The following CD24 variants were observed in gnomAD, a reference collection of about 807,000 sequenced individuals.
The protein encoded by CD24 is signal transducer CD24.
Under a neutral mutation model 3.6 loss-of-function variants are expected in CD24, and 2 were observed. That is an observed-to-expected ratio of 0.56 (90% CI 0.23 to 1.77). The LOEUF is 1.77. CD24 is among the 40% of genes most tolerant of loss of function. The pLI, the probability that CD24 is intolerant of heterozygous loss-of-function variation, is 0.18. For synonymous variants in CD24, 33 were observed against 44.9 expected (o/e 0.74, Z 1.06); for missense variants, 62 against 93.6 (o/e 0.66, Z 1.39).
At chr6:106,976,152 T>TA (rs1773105280), upstream of CD24, among the ~76,000 whole-genome samples, 1 of 152,224 alleles carries the variant, frequency 6.6e-6, no homozygotes, top group Non-Finnish European at 1.5e-5. Flanking sequence ...CCAAACCTAG[T>TA]ATGGTTGTAA....
chr6:106,972,473 A>T (rs2114898707), intron 1 of CD24, among the ~76,000 whole-genome samples: 1 of 152,344 alleles, frequency 6.6e-6, no homozygotes, highest in African/African-American at 2.4e-5. Context: ...TTTAAGGCAG[A>T]ATGACTTCAA....
upstream of CD24, among the ~76,000 whole-genome samples, chr6:106,976,366 A>G (rs1233776357): frequency 1.3e-5 from 2 of 152,358 alleles, no homozygotes; most frequent in African/African-American, 4.8e-5. Flanking sequence ...GTTTCAGGGA[A>G]GCAAAGTGAC....
At chr6:106,974,461 C>T (rs1205055817) in intron 1 of CD24, 117 bp downstream of exon 1, 1 of 585,298 alleles carries the variant, frequency 1.7e-6, no homozygotes, top group Non-Finnish European at 2.8e-6. Flanking sequence ...GATTCTCTCC[C>T]GGTCCCTGTC....
chr6:106,974,668 C>T lies in CD24; in HGVS notation c.-22G>A, dbSNP rs1773061689. ...CCATGTCCCCTCCGTCGGTGCGCGG[C>T]GCGTCTAGCAGGATGCTGGGTGCTT... On this transcript the variant is annotated 5_prime_UTR_variant, in exon 1 of 2. Transcript: ENST00000606017. 1 of 1,492,664 alleles carries T rather than the reference C, an allele frequency of 6.7e-7. No homozygotes were observed. Among genetic ancestry groups the T allele is most frequent in the Non-Finnish European group, 8.9e-7 (1 of 1,125,168 alleles). 92.5% of individuals were successfully genotyped at this position (1,492,664 alleles called of 1,614,324 possible).
At position 106,970,941 on chromosome 6, in the gene CD24, T is replaced by C. The variant is rs1772956498; in HGVS notation, c.*720A>G. 6.6e-6 allele frequency: 1 copy of C among 152,262 alleles called. No individual in the cohort carries two copies. The highest frequency in any genetic ancestry group is 2.4e-5 in the African/African-American group (1 of 41,452). The allele number at this position is 152,262 out of a possible 1,614,324, so 9.4% of individuals were successfully genotyped here. On this transcript the variant is annotated 3_prime_UTR_variant, in exon 2 of 2. Coordinates refer to ENST00000606017, the MANE Select transcript of CD24 (RefSeq NM_001359084.1). Reference sequence around the variant, plus strand: ...ACAGGTGATAGGAAATGCCTACCATTTGACTCAATATGGATAATCAAGAGT... The same window carrying C: ...ACAGGTGATAGGAAATGCCTACCATCTGACTCAATATGGATAATCAAGAGT...
rs1772934700 is a variant in CD24, at chr6:106,970,170, T to C, written c.*1491A>G. 10 of 152,554 alleles carry C rather than the reference T, an allele frequency of 6.6e-5. 2 individuals carry two copies. The South Asian group carries it at 2.1e-3, about 32-fold the overall frequency. 9.5% of individuals were successfully genotyped at this position (152,554 alleles called of 1,614,324 possible). On this transcript the variant is annotated 3_prime_UTR_variant, in exon 2 of 2. Transcript: ENST00000606017. ...GAGTGTCTATTTTTAAAAAGGTTTATGTGTGTCGAGGCAGTTGTAAAAGAT... is the reference window on the plus strand; with the variant it reads ...GAGTGTCTATTTTTAAAAAGGTTTACGTGTGTCGAGGCAGTTGTAAAAGAT...
upstream of CD24, among the ~76,000 whole-genome samples, chr6:106,976,464 C>A (rs1773109548): frequency 6.6e-6 from 1 of 152,170 alleles, no homozygotes. Flanking sequence ...AGTAACTTTC[C>A]AAGCACGTTT....
At chr6:106,973,437 A>G (rs1773021036) in intron 1 of CD24, 3 of 378,992 alleles carry the variant, frequency 7.9e-6, no homozygotes, top group African/African-American at 2.1e-5. Flanking sequence ...AGCGCAGCGG[A>G]CTGGGAGGAA....
rs1436892720 is a variant in CD24, at chr6:106,971,041, G to C, written c.*620C>G. On this transcript the variant is annotated 3_prime_UTR_variant, in exon 2 of 2. Coordinates refer to ENST00000606017, the MANE Select transcript of CD24 (RefSeq NM_001359084.1). ...GGCACATGTCAATTACTACATAAAAGGTCAAATGCAATGTCAAATCCAAAG... is the reference window on the plus strand; with the variant it reads ...GGCACATGTCAATTACTACATAAAACGTCAAATGCAATGTCAAATCCAAAG... 2.0e-5 allele frequency: 3 copies of C among 152,340 alleles called. No homozygotes were observed. Among genetic ancestry groups the C allele is most frequent in the Non-Finnish European group, 4.4e-5 (3 of 68,264 alleles). The allele number at this position is 152,340 out of a possible 1,614,324, so 9.4% of individuals were successfully genotyped here.
chr6:106,975,982 T>C (rs1026654857), upstream of CD24, among the ~76,000 whole-genome samples: 1 of 152,252 alleles, frequency 6.6e-6, no homozygotes, highest in African/African-American at 2.4e-5. Context: ...GAATACTTTT[T>C]TCCTATCCAT....
In CD24 at chr6:106,972,156, T is replaced by C. The variant is rs1009599425; in HGVS notation, c.70-322A>G. On this transcript the variant is annotated intron_variant, in intron 1 of 1. Transcript: ENST00000606017. ...AACTAATTCAGTTTCCAAGATTATA[T>C]TGACTTAATGGCATTGCAATAAGGT... Among the ~76,000 whole-genome samples, 45 of 152,334 alleles carry C rather than the reference T, an allele frequency of 3.0e-4. 2 individuals are homozygous for C. Among genetic ancestry groups the C allele is most frequent in the African/African-American group, 8.9e-4 (37 of 41,580 alleles).
rs1329477403 is a variant in CD24, at chr6:106,969,912, C to T, written c.*1749G>A. 1.3e-5 allele frequency: 2 copies of T among 152,528 alleles called. No homozygotes were observed. The highest frequency in any genetic ancestry group is 2.1e-4 in the South Asian group (1 of 4,822). 9.4% of individuals were successfully genotyped at this position (152,528 alleles called of 1,614,324 possible). The stretch of plus-strand genomic sequence containing the variant: ...CATAAGAAGTTACTATGAATCAAAG[C>T]GTAAATACACAAACACAATATACAA... On this transcript the variant is annotated 3_prime_UTR_variant, in exon 2 of 2. Coordinates refer to ENST00000606017, the MANE Select transcript of CD24 (RefSeq NM_001359084.1).
At position 106,971,850 on chromosome 6, in the gene CD24, A is replaced by G; in HGVS notation, c.70-16T>C. ...TGGAATAAATCTAAAATACATAAAA[A>G]GTTACATGGATACATTTCCACATCA... On this transcript the variant is annotated splice_polypyrimidine_tract_variant and intron_variant, in intron 1 of 1. Transcript: ENST00000606017. 1 of 1,492,684 alleles carries G rather than the reference A, an allele frequency of 6.7e-7. No individual in the cohort carries two copies. The highest frequency in any genetic ancestry group is 9.1e-7 in the Non-Finnish European group (1 of 1,095,428). 92.5% of individuals were successfully genotyped at this position (1,492,684 alleles called of 1,614,324 possible). A position where few individuals can be genotyped will look rare whatever the true frequency, so the allele number is the denominator to read the frequency against.
chr6:106,974,447 G>T (rs1452119600), intron 1 of CD24, 131 bp downstream of exon 1: 2 of 560,742 alleles, frequency 3.6e-6, no homozygotes, highest in Non-Finnish European at 5.9e-6. Flanking sequence ...GGTCAGCTAA[G>T]CAAGATTCTC....
At chr6:106,973,780 C>G (rs1313196192) in intron 1 of CD24, 1 of 398,422 alleles carries the variant, frequency 2.5e-6, no homozygotes, top group South Asian at 1.3e-4. Context: ...CCCGGGTACC[C>G]GCACCCGGGG....
At chr6:106,976,617 G>T (rs1773111352), upstream of CD24, among the ~76,000 whole-genome samples, 1 of 152,156 alleles carries the variant, frequency 6.6e-6, no homozygotes. Flanking sequence ...GCTGAGGAGG[G>T]CTGATCACCT....
intron 1 of CD24, among the ~76,000 whole-genome samples, chr6:106,972,240 T>C (rs1168785218): frequency 1.3e-5 from 2 of 152,216 alleles, no homozygotes; most frequent in African/African-American, 4.8e-5. Context: ...GATTTTTAAA[T>C]ATTGTAACTG....
At chr6:106,973,615 G>T (rs1266296635) in intron 1 of CD24, 2 of 398,506 alleles carry the variant, frequency 5.0e-6, no homozygotes, top group Middle Eastern at 1.3e-3. Flanking sequence ...AATCGAAGGC[G>T]CTGGAGAGCC....
chr6:106,973,716 GTC>G, intron 1 of CD24: 1 of 398,574 alleles, frequency 2.5e-6, no homozygotes, highest in Non-Finnish European at 4.4e-6. Flanking sequence ...CCAGCCCCCG[GTC>G]TCTCTCGCCG....
Sources: allele counts gnomAD v4.1 joint callset (sites outside exome capture counted in the v4.1 genomes callset), GRCh38; gene constraint gnomAD v4.1.1; transcripts MANE v1.5; gene names NCBI Gene and HGNC (gene_info 2026-07-23, HGNC 2026-07-21).